The following KCNT2 variants were observed in gnomAD, a reference collection of about 807,000 sequenced individuals.
KCNT2 encodes the protein potassium channel subfamily T member 2.
A neutral mutation model predicts 153.8 loss-of-function variants in KCNT2; 67 were observed. The observed-to-expected ratio is 0.44, with a 90% CI of 0.36 to 0.53. The LOEUF is 0.53. KCNT2 is among the 20% of genes least tolerant of loss of function. The probability of loss-of-function intolerance (pLI) is 0.00; values close to 1 mark genes in which losing one functional copy is unlikely to be tolerated. For synonymous variants in KCNT2, 500 were observed against 458.8 expected (o/e 1.09, Z -1.15); for missense variants, 975 against 1,354.8 (o/e 0.72, Z 4.40).
At chr1:196,404,072 C>T (rs1671637896) in intron 12 of KCNT2, 1 of 666,592 alleles carries the variant, frequency 1.5e-6, no homozygotes, top group South Asian at 6.7e-5. Flanking sequence ...GGTAGTCCTC[C>T]CTTTTCCCAA....
intron 4 of KCNT2, 80 bp downstream of exon 4, chr1:196,482,251 T>A (rs1327898853): frequency 1.2e-5 from 10 of 858,088 alleles, no homozygotes; most frequent in East Asian, 5.5e-5. Context: ...ATTTTGAACA[T>A]CAAAAGCTCT....
At chr1:196,264,713 A>T (rs965186819) in intron 25 of KCNT2, among the ~76,000 whole-genome samples, 1 of 151,982 alleles carries the variant, frequency 6.6e-6, no homozygotes, top group Non-Finnish European at 1.5e-5. Flanking sequence ...GCTCACTGCA[A>T]CCTCCACCTC....
At chr1:196,245,853 A>C (rs375994811) in intron 26 of KCNT2, among the ~76,000 whole-genome samples, 3 of 152,296 alleles carry the variant, frequency 2.0e-5, no homozygotes, top group South Asian at 2.1e-4. Flanking sequence ...AGAATCTAGA[A>C]AACAGCACCA....
chr1:196,280,117 A>T (rs1446326553), intron 25 of KCNT2, among the ~76,000 whole-genome samples: 2 of 152,234 alleles, frequency 1.3e-5, no homozygotes, highest in Non-Finnish European at 2.9e-5. Context: ...AATTTTATAG[A>T]TATTGATAGA....
intron 1 of KCNT2, among the ~76,000 whole-genome samples, chr1:196,560,144 T>C (rs908262280): frequency 6.6e-6 from 1 of 151,906 alleles, no homozygotes; most frequent in South Asian, 2.1e-4. Flanking sequence ...AAACTTGGCA[T>C]AAAGCAATAG....
chr1:196,465,491 C>T, intron 7 of KCNT2, 104 bp from the exon 8 acceptor site: 2 of 686,772 alleles, frequency 2.9e-6, no homozygotes, highest in East Asian at 5.4e-5. Context: ...CTCCTGTACA[C>T]ATACATACAT....
chr1:196,428,505 C>T (rs758984370), intron 9 of KCNT2, among the ~76,000 whole-genome samples: 3 of 152,204 alleles, frequency 2.0e-5, no homozygotes, highest in South Asian at 2.1e-4. Flanking sequence ...TTTGCTATCA[C>T]ATAATAACAG....
At chr1:196,298,540 T>C (rs1226907391) in intron 22 of KCNT2, among the ~76,000 whole-genome samples, 2 of 152,072 alleles carry the variant, frequency 1.3e-5, no homozygotes, top group African/African-American at 4.8e-5. Context: ...GGGTGCCCCA[T>C]TCTCTCAGGA....
At chr1:196,270,459 A>G (rs1173475056) in intron 25 of KCNT2, among the ~76,000 whole-genome samples, 1 of 152,098 alleles carries the variant, frequency 6.6e-6, no homozygotes, top group African/African-American at 2.4e-5. Flanking sequence ...TATTATGCAT[A>G]TTTATATATA....
chr1:196,274,249 T>C (rs1047487979), intron 25 of KCNT2, among the ~76,000 whole-genome samples: 4 of 151,654 alleles, frequency 2.6e-5, no homozygotes, highest in African/African-American at 9.7e-5. Context: ...AGAACAATAG[T>C]CTATTCATTT....
At chr1:196,511,152 C>T (rs1464759282) in intron 1 of KCNT2, among the ~76,000 whole-genome samples, 1 of 128,002 alleles carries the variant, frequency 7.8e-6, no homozygotes. Context: ...CACACACACA[C>T]ACACAACTTT....
chr1:196,238,501 C>A (rs955089729), intron 26 of KCNT2, among the ~76,000 whole-genome samples: 1 of 151,958 alleles, frequency 6.6e-6, no homozygotes, highest in Non-Finnish European at 1.5e-5. Context: ...TTTCTTTCCT[C>A]ACCCCTCACT....
At chr1:196,549,379 A>C (rs1430032099) in intron 1 of KCNT2, among the ~76,000 whole-genome samples, 1 of 151,888 alleles carries the variant, frequency 6.6e-6, no homozygotes, top group Non-Finnish European at 1.5e-5. Flanking sequence ...CTAGAGAGTG[A>C]GAAGAAGCTA....
chr1:196,338,563 G>C (rs1200061553), intron 16 of KCNT2, among the ~76,000 whole-genome samples: 2 of 152,024 alleles, frequency 1.3e-5, no homozygotes, highest in Admixed American at 6.6e-5. Context: ...CTATTTATAA[G>C]TTAAGTCACA....
chr1:196,368,937 C>T (rs1261568972), intron 14 of KCNT2, among the ~76,000 whole-genome samples: 4 of 152,166 alleles, frequency 2.6e-5, no homozygotes, highest in Non-Finnish European at 5.9e-5. Context: ...TTATTTTCTA[C>T]TGTCCAGTGT....
chr1:196,431,496 G>A (rs1591918), intron 8 of KCNT2, among the ~76,000 whole-genome samples: 3 of 152,094 alleles, frequency 2.0e-5, no homozygotes, highest in African/African-American at 7.2e-5. Context: ...AAATACCGAC[G>A]GTAACGGCCT....
intron 1 of KCNT2, among the ~76,000 whole-genome samples, chr1:196,584,877 T>C (rs1662482598): frequency 6.6e-6 from 1 of 152,018 alleles, no homozygotes; most frequent in Admixed American, 6.6e-5. Context: ...TGCCCAGGGT[T>C]CCAAACAAAA....
At chr1:196,562,742 A>T (rs1383029382) in intron 1 of KCNT2, among the ~76,000 whole-genome samples, 1 of 151,596 alleles carries the variant, frequency 6.6e-6, no homozygotes, top group African/African-American at 2.4e-5. Context: ...AATTACTCCC[A>T]AGGCAATTCT....
chr1:196,376,603 C>T (rs977523725), intron 13 of KCNT2, among the ~76,000 whole-genome samples: 1 of 151,870 alleles, frequency 6.6e-6, no homozygotes, highest in Admixed American at 6.6e-5. Flanking sequence ...TAACAACTTT[C>T]TAATTGGTTT....
Sources: gnomAD v4.1 joint callset for allele counts (sites outside exome capture counted in the v4.1 genomes callset) on GRCh38, gnomAD v4.1.1 for gene constraint, MANE v1.5 for transcripts, NCBI Gene and HGNC (gene_info 2026-07-23, HGNC 2026-07-21) for gene names.